ROCK1: variants seen among roughly 807,000 people sequenced by gnomAD.
ROCK1 encodes Rho associated coiled-coil containing protein kinase 1.
Under a neutral mutation model 196.8 loss-of-function variants are expected in ROCK1, and 36 were observed. The observed-to-expected ratio is 0.18, with a 90% confidence interval of 0.14 to 0.24. The LOEUF (loss-of-function observed/expected upper bound fraction) is 0.24, where lower values mean the gene tolerates loss of function less well. Among genes scored for constraint, ROCK1 ranks in the 10% least tolerant of loss-of-function variants. The pLI, the probability that ROCK1 is intolerant of heterozygous loss-of-function variation, is 1.00. For synonymous variants in ROCK1, 443 were observed against 515.9 expected (o/e 0.86, Z 1.91); for missense variants, 920 against 1,562.0 (o/e 0.59, Z 6.93).
At chr18:21,108,172 A>T (rs1464349831) in intron 1 of ROCK1, among the ~76,000 whole-genome samples, 1 of 152,234 alleles carries the variant, frequency 6.6e-6, no homozygotes, top group Admixed American at 6.5e-5. Flanking sequence ...GGACAAGATT[A>T]TAAGATTTGA....
chr18:21,091,764 A>T (rs1222855503), intron 1 of ROCK1, among the ~76,000 whole-genome samples: 2 of 152,118 alleles, frequency 1.3e-5, no homozygotes, highest in African/African-American at 2.4e-5. Context: ...TGAGCCCATG[A>T]GTTTGAGACC....
intron 1 of ROCK1, among the ~76,000 whole-genome samples, chr18:21,077,021 C>T (rs1417197370): frequency 7.3e-6 from 1 of 136,406 alleles, no homozygotes; most frequent in South Asian, 2.4e-4. Context: ...GGCCGGACTG[C>T]GGACTGCAGT....
chr18:20,997,247 G>GGTACACATAGAC, intron 16 of ROCK1, among the ~76,000 whole-genome samples: 1 of 151,874 alleles, frequency 6.6e-6, no homozygotes, highest in Admixed American at 6.5e-5. Context: ...CATGTATAAA[G>GGTACACATAGAC]GTACACATAG....
At chr18:20,965,914 T>C (rs1316547059) in intron 27 of ROCK1, among the ~76,000 whole-genome samples, 1 of 152,106 alleles carries the variant, frequency 6.6e-6, no homozygotes, top group Non-Finnish European at 1.5e-5. Flanking sequence ...CCACTTTGAG[T>C]CCCACTTTCT....
intron 16 of ROCK1, among the ~76,000 whole-genome samples, chr18:21,002,601 A>G (rs369824286): frequency 6.6e-6 from 1 of 152,214 alleles, no homozygotes; most frequent in African/African-American, 2.4e-5. Context: ...GTAGTATTCC[A>G]ATTAACAAAT....
intron 29 of ROCK1, among the ~76,000 whole-genome samples, chr18:20,957,485 CT>C (rs60294950): frequency 2.2e-3 from 324 of 144,786 alleles, no homozygotes; most frequent in Middle Eastern, 7.2e-3. Context: ...TTTCCTTTTT[CT>C]TTTTTTTTTT....
chr18:21,022,179 G>A (rs1254540541), intron 11 of ROCK1, among the ~76,000 whole-genome samples: 2 of 152,046 alleles, frequency 1.3e-5, no homozygotes, highest in Non-Finnish European at 1.5e-5. Flanking sequence ...GTAGGCTATA[G>A]TAGACAAAAA....
chr18:21,060,889 G>A (rs1232893791), intron 2 of ROCK1, among the ~76,000 whole-genome samples: 1 of 144,526 alleles, frequency 6.9e-6, no homozygotes, highest in African/African-American at 2.6e-5. Flanking sequence ...ACTTGTACAC[G>A]AATATTTACG....
At chr18:20,965,624 T>G (rs2035367338) in intron 27 of ROCK1, among the ~76,000 whole-genome samples, 1 of 152,184 alleles carries the variant, frequency 6.6e-6, no homozygotes, top group South Asian at 2.1e-4. Flanking sequence ...TGATTAAGTC[T>G]AACTTTAGAA....
At chr18:20,965,436 C>CATACATAT (rs1172425626) in intron 27 of ROCK1, among the ~76,000 whole-genome samples, 1 of 151,502 alleles carries the variant, frequency 6.6e-6, no homozygotes, top group Non-Finnish European at 1.5e-5. Context: ...TACATACATA[C>CATACATAT]ATACATATAT....
intron 12 of ROCK1, among the ~76,000 whole-genome samples, chr18:21,019,897 TAAA>T (rs1266866256): frequency 1.4e-5 from 2 of 139,450 alleles, no homozygotes; most frequent in Non-Finnish European, 1.6e-5. Flanking sequence ...TTTCATGAAT[TAAA>T]AAAAAAAAAA....
intron 20 of ROCK1, among the ~76,000 whole-genome samples, chr18:20,983,171 G>C (rs2035548492): frequency 6.6e-6 from 1 of 151,082 alleles, no homozygotes; most frequent in African/African-American, 2.4e-5. Context: ...CAGTCATAGG[G>C]AAGAAAATGT....
In ROCK1 at chr18:21,049,674, G is replaced by GC. The variant is rs2036188698; in HGVS notation, c.276+105dup. ...GCAACAATGTCTAAAGGAACTTAAAGCAACAATTCTATAAAAACAGTATTT... is the reference window on the plus strand; with the variant it reads ...GCAACAATGTCTAAAGGAACTTAAAGCCAACAATTCTATAAAAACAGTATTT... On this transcript the variant is annotated intron_variant, in intron 3 of 32. Transcript: ENST00000399799. 16 of 747,608 alleles carry GC rather than the reference G, an allele frequency of 2.1e-5. No homozygotes were observed. The Middle Eastern group carries it at 8.5e-4, about 40-fold the overall frequency. The allele number at this position is 747,608 out of a possible 1,614,324, so 46.3% of individuals were successfully genotyped here. A position where few individuals can be genotyped will look rare whatever the true frequency, so the allele number is the denominator to read the frequency against.
intron 4 of ROCK1, among the ~76,000 whole-genome samples, chr18:21,047,146 A>C (rs556493897): frequency 6.6e-6 from 1 of 152,350 alleles, no homozygotes; most frequent in African/African-American, 2.4e-5. Flanking sequence ...CAATATATCC[A>C]GAGAAATAAA....
intron 10 of ROCK1, among the ~76,000 whole-genome samples, chr18:21,027,067 T>C (rs2035964463): frequency 6.6e-6 from 1 of 152,002 alleles, no homozygotes; most frequent in Admixed American, 6.6e-5. Context: ...GTCTCCCAAG[T>C]AGCTGGGATT....
At chr18:20,979,687 T>C (rs1301511061) in intron 22 of ROCK1, among the ~76,000 whole-genome samples, 1 of 152,184 alleles carries the variant, frequency 6.6e-6, no homozygotes, top group African/African-American at 2.4e-5. Context: ...ACCAACTTTT[T>C]GTCAGTTTAA....
At chr18:21,104,113 A>C (rs1184659214) in intron 1 of ROCK1, among the ~76,000 whole-genome samples, 1 of 152,202 alleles carries the variant, frequency 6.6e-6, no homozygotes, top group Non-Finnish European at 1.5e-5. Context: ...TCTATATATA[A>C]TATTTCCTGA....
At position 21,023,688 on chromosome 18, in the gene ROCK1, A is replaced by T; in HGVS notation, c.1212-8T>A. On this transcript the variant is annotated splice_polypyrimidine_tract_variant and splice_region_variant and intron_variant, in intron 10 of 32. Transcript: ENST00000399799. ...TTTGCTGAAGATAAGTATCTGAGGG[A>T]AAGAAAAGTTTAAAAAGAAAAGAAA... is the stretch of plus-strand genomic sequence containing the variant. 1 of 1,535,614 alleles carries T rather than the reference A, an allele frequency of 6.5e-7. No homozygotes were observed. Among genetic ancestry groups the T allele is most frequent in the Non-Finnish European group, 8.8e-7 (1 of 1,131,370 alleles).
chr18:21,031,604 C>CAAAAAAAAAAAAA (rs781463990), intron 9 of ROCK1, among the ~76,000 whole-genome samples: 26 of 51,826 alleles, frequency 5.0e-4, no homozygotes, highest in Admixed American at 9.2e-4. Flanking sequence ...GACTCCATCT[C>CAAAAAAAAAAAAA]AAAAAAAAAA....
Sources: allele counts gnomAD v4.1 joint callset (sites outside exome capture counted in the v4.1 genomes callset), GRCh38; gene constraint gnomAD v4.1.1; transcripts MANE v1.5; gene names NCBI Gene and HGNC (gene_info 2026-07-23, HGNC 2026-07-21).